Variants in RABGEF1 observed in about 807,000 individuals in gnomAD.
The protein encoded by RABGEF1 is rab5 GDP/GTP exchange factor.
RABGEF1 carries 26 observed loss-of-function variants against 57.3 expected under a neutral mutation model. That is an observed-to-expected ratio of 0.45 (90% CI 0.33 to 0.63). The LOEUF (loss-of-function observed/expected upper bound fraction) is 0.63, where lower values mean the gene tolerates loss of function less well. Ranked by LOEUF, RABGEF1 falls within the 20% of genes least tolerant of loss-of-function variation. The pLI is 0.02. For missense variants in RABGEF1, 464 were observed against 607.6 expected (o/e 0.76, Z 2.48); for synonymous variants, 185 against 210.7 (o/e 0.88, Z 1.06).
intron 1 of RABGEF1, among the ~76,000 whole-genome samples, chr7:66,692,929 A>C (rs540636554): frequency 6.6e-6 from 1 of 152,252 alleles, no homozygotes; most frequent in Admixed American, 6.5e-5. Context: ...GGCAAGGATC[A>C]TGGGAGTTTC....
intron 1 of RABGEF1, among the ~76,000 whole-genome samples, chr7:66,697,331 T>C (rs1792502133): frequency 6.6e-6 from 1 of 152,156 alleles, no homozygotes; most frequent in African/African-American, 2.4e-5. Context: ...GTCTCACAAG[T>C]CTTGCATTTC....
At chr7:66,666,453 CA>C in the RABGEF1 span, among the ~76,000 whole-genome samples, 1 of 152,220 alleles carries the variant, frequency 6.6e-6, no homozygotes, top group Non-Finnish European at 1.5e-5. Flanking sequence ...TTGCTGAGGG[CA>C]ACTGAGGCCG....
At chr7:66,717,286 T>C (rs1795520254) in intron 2 of RABGEF1, among the ~76,000 whole-genome samples, 1 of 152,230 alleles carries the variant, frequency 6.6e-6, no homozygotes, top group Non-Finnish European at 1.5e-5. Flanking sequence ...ACTTGTAAAA[T>C]GTAGGAACCT....
intron 2 of RABGEF1, among the ~76,000 whole-genome samples, chr7:66,724,894 A>G (rs1303859493): frequency 6.6e-6 from 1 of 152,106 alleles, no homozygotes; most frequent in African/African-American, 2.4e-5. Context: ...ATTCAGGTTC[A>G]TTGATCTTGT....
chr7:66,782,424 C>A (rs960383615), intron 3 of RABGEF1, among the ~76,000 whole-genome samples: 1 of 151,438 alleles, frequency 6.6e-6, no homozygotes, highest in Non-Finnish European at 1.5e-5. Context: ...ATCCCACTAC[C>A]CCCTATTTTA....
At chr7:66,790,769 C>G (rs1338340234) in intron 4 of RABGEF1, among the ~76,000 whole-genome samples, 1 of 152,154 alleles carries the variant, frequency 6.6e-6, no homozygotes, top group Non-Finnish European at 1.5e-5. Flanking sequence ...TTAATGAACT[C>G]CTATTCAGGA....
intron 2 of RABGEF1, chr7:66,773,793 G>C (rs969907385): frequency 1.8e-5 from 8 of 449,980 alleles, no homozygotes; most frequent in Non-Finnish European, 3.6e-5. Flanking sequence ...AGCCTCCCAA[G>C]TAGCTAGGAC....
intron 2 of RABGEF1, among the ~76,000 whole-genome samples, chr7:66,774,947 T>G (rs1221374140): frequency 6.6e-6 from 1 of 152,236 alleles, no homozygotes; most frequent in African/African-American, 2.4e-5. Flanking sequence ...CCTTTTTGTC[T>G]GTTCCAGCCT....
At chr7:66,688,628 A>G (rs1288434811) in intron 1 of RABGEF1, among the ~76,000 whole-genome samples, 1 of 152,240 alleles carries the variant, frequency 6.6e-6, no homozygotes, top group Non-Finnish European at 1.5e-5. Context: ...AAACTCACAA[A>G]TATATGGAAA....
At chr7:66,662,000 A>C in the RABGEF1 span, among the ~76,000 whole-genome samples, 1 of 152,204 alleles carries the variant, frequency 6.6e-6, no homozygotes, top group Non-Finnish European at 1.5e-5. Flanking sequence ...CTGTAATCTC[A>C]GCACTTTGGG....
intron 2 of RABGEF1, among the ~76,000 whole-genome samples, chr7:66,713,508 T>C (rs1795019875): frequency 6.6e-6 from 1 of 152,176 alleles, no homozygotes; most frequent in African/African-American, 2.4e-5. Flanking sequence ...ATCTGTATGC[T>C]CTTTATTTCT....
intron 2 of RABGEF1, among the ~76,000 whole-genome samples, chr7:66,721,489 C>T (rs1242179639): frequency 1.3e-5 from 2 of 152,092 alleles, no homozygotes; most frequent in Non-Finnish European, 1.5e-5. Flanking sequence ...GGCTCATGGC[C>T]TCTTCCTCCA....
the RABGEF1 span, chr7:66,669,055 G>C: frequency 6.6e-6 from 1 of 152,254 alleles, no homozygotes; most frequent in Non-Finnish European, 1.5e-5. Context: ...CAGCAACCCG[G>C]GAGGGCATGA....
At chr7:66,696,660 A>C (rs35183929) in intron 1 of RABGEF1, among the ~76,000 whole-genome samples, 20,815 of 147,818 alleles carry the variant, frequency 0.14, 1,964 homozygotes, top group Non-Finnish European at 0.21. Context: ...ATTGCACTCC[A>C]GCCTGGGTGA....
intron 1 of RABGEF1, among the ~76,000 whole-genome samples, chr7:66,762,932 G>T (rs1804797495): frequency 6.6e-6 from 1 of 152,208 alleles, no homozygotes; most frequent in African/African-American, 2.4e-5. Flanking sequence ...CTTTGGAATA[G>T]CATGTGCAAA....
chr7:66,690,926 A>G (rs1470536504), intron 1 of RABGEF1, among the ~76,000 whole-genome samples: 1 of 125,326 alleles, frequency 8.0e-6, no homozygotes, highest in Non-Finnish European at 1.8e-5. Context: ...TCTACTAAAA[A>G]TACAAAAAAA....
At chr7:66,742,119 C>A (rs912392680) in intron 1 of RABGEF1, among the ~76,000 whole-genome samples, 1 of 151,556 alleles carries the variant, frequency 6.6e-6, no homozygotes, top group Non-Finnish European at 1.5e-5. Flanking sequence ...CCACTGCACT[C>A]CAGCCTGGGC....
At chr7:66,754,628 T>C (rs1802276252) in intron 1 of RABGEF1, among the ~76,000 whole-genome samples, 1 of 152,096 alleles carries the variant, frequency 6.6e-6, no homozygotes, top group Admixed American at 6.6e-5. Flanking sequence ...CTCAGCTGGA[T>C]GTCATTTACA....
chr7:66,671,138 C>G, the RABGEF1 span, among the ~76,000 whole-genome samples: 1 of 152,044 alleles, frequency 6.6e-6, no homozygotes, highest in African/African-American at 2.4e-5. Flanking sequence ...GCTGGTATTA[C>G]AGTATTTAAT....
Sources: allele counts gnomAD v4.1 joint callset (sites outside exome capture counted in the v4.1 genomes callset), GRCh38; gene constraint gnomAD v4.1.1; transcripts MANE v1.5; gene names NCBI Gene and HGNC (gene_info 2026-07-23, HGNC 2026-07-21).